Variants in PRKAB1 observed in about 807,000 individuals in gnomAD.
The protein encoded by PRKAB1 is protein kinase AMP-activated non-catalytic subunit beta 1, also known as 5'-AMP-activated protein kinase subunit beta-1.
A neutral mutation model predicts 32.0 loss-of-function variants in PRKAB1; 18 were observed. That is an observed-to-expected ratio of 0.56 (90% CI 0.39 to 0.83). The LOEUF is 0.83. Ranked by LOEUF, PRKAB1 falls within the 40% of genes least tolerant of loss-of-function variation. The pLI is 0.00. For synonymous variants in PRKAB1, 141 were observed against 141.4 expected (o/e 1.00, Z 0.02); for missense variants, 263 against 352.6 (o/e 0.75, Z 2.03).
At chr12:119,676,850 C>T (rs1955429889) in intron 5 of PRKAB1, among the ~76,000 whole-genome samples, 180 bp downstream of exon 5, 2 of 152,238 alleles carry the variant, frequency 1.3e-5, no homozygotes, top group Non-Finnish European at 2.9e-5. Context: ...CCAGTGTGGA[C>T]ACCGCTGCCT....
At chr12:119,678,204 T>A (rs1955440793) in intron 5 of PRKAB1, 1 of 152,256 alleles carries the variant, frequency 6.6e-6, no homozygotes, top group East Asian at 1.9e-4. Context: ...AAGGTAGCAC[T>A]AAGCTCTAAT....
intron 1 of PRKAB1, 108 bp from the exon 2 acceptor site, chr12:119,672,193 T>C: frequency 8.2e-7 from 1 of 1,214,644 alleles, no homozygotes; most frequent in Non-Finnish European, 1.1e-6. Context: ...TTTCCGATCC[T>C]AACCATGAAC....
At chr12:119,678,940 A>G (rs553941012) in intron 5 of PRKAB1, 3 of 152,342 alleles carry the variant, frequency 2.0e-5, no homozygotes, top group East Asian at 3.9e-4. Flanking sequence ...GCCATTTTCC[A>G]TAATGGTTGT....
Position 119,672,349 on chromosome 12 carries a change from A to G in PRKAB1, c.208A>G (p.Asn70Asp). 6.2e-7 allele frequency: 1 copy of G among 1,612,982 alleles called. No homozygotes were observed. The highest frequency in any genetic ancestry group is 8.5e-7 in the Non-Finnish European group (1 of 1,179,592). Residue 70 changes from asparagine (N) to aspartate (D), a missense_variant, in exon 2 of 7, where the codon AAT becomes GAT. Asn to Asp is a conservative substitution (Grantham distance 23). Coordinates refer to ENST00000229328, the MANE Select transcript of PRKAB1 (RefSeq NM_006253.5). ...GGCCTGGCAGCATGATCTGGAAGTG[A>G]ATGATAAAGCTCCCGCCCAGGCTCG... ...FLAWQHDLEV[N>D]DKAPAQARPT... is the part of the protein sequence containing the mutation.
rs1955410813 is a variant in PRKAB1 at position 119,674,799 on chromosome 12, C to T, written c.532+345C>T. On this transcript the variant is annotated intron_variant, in intron 4 of 6. Transcript: ENST00000229328. The surrounding 1 kb of genome is among the most constrained non-coding windows in gnomAD (Gnocchi z 4.3). ...CAGTGACAGCCCAGCACTGGGGAAG[C>T]CTGTGTCTCATCCCACTTGTGGTGC... is the stretch of plus-strand genomic sequence containing the variant. 6.6e-6 allele frequency among the ~76,000 whole-genome samples: 1 copy of T among 152,228 alleles called. No individual in the cohort carries two copies. The highest frequency in any genetic ancestry group is 6.5e-5 in the Admixed American group (1 of 15,290).
upstream of PRKAB1, chr12:119,668,065 G>A (rs1955351518): frequency 9.7e-6 from 7 of 723,038 alleles, no homozygotes; most frequent in South Asian, 1.5e-4. Context: ...GATTGCGAGA[G>A]CTCGGCAACC....
In PRKAB1 at chr12:119,672,406, A is replaced by G. The variant is rs557732890; in HGVS notation, c.265A>G (p.Lys89Glu). ...PTVFRWTGGG[K>E]EVYLSGSFNN... is the part of the protein sequence containing the mutation. The stretch of plus-strand genomic sequence containing the variant: ...GGTGTTTCGATGGACGGGGGGCGGA[A>G]AGGAAGTTTACTTATCTGGGTCCTT... Residue 89 changes from lysine (K) to glutamate (E), a missense_variant, in exon 2 of 7, where the codon AAG becomes GAG. Transcript: ENST00000229328. 8.1e-5 allele frequency: 131 copies of G among 1,610,242 alleles called. 1 individual carries two copies. The South Asian group carries it at 8.5e-4, about 10-fold the overall frequency.
intron 2 of PRKAB1, 43 bp downstream of exon 2, chr12:119,672,507 TTC>T: frequency 6.9e-7 from 1 of 1,445,310 alleles, no homozygotes; most frequent in Non-Finnish European, 9.2e-7. Flanking sequence ...TTAACATAAA[TTC>T]TCTTCTTTCT....
At chr12:119,673,885 T>C in intron 2 of PRKAB1, 79 bp from the exon 3 acceptor site, 1 of 1,187,458 alleles carries the variant, frequency 8.4e-7, no homozygotes, top group Non-Finnish European at 1.2e-6. Flanking sequence ...GGAAACGTTT[T>C]GTTCTGTAGC....
intron 5 of PRKAB1, chr12:119,678,344 C>T (rs1423964839): frequency 6.6e-6 from 1 of 152,192 alleles, no homozygotes; most frequent in African/African-American, 2.4e-5. Context: ...CAATTATTAC[C>T]CCCATTTTAG....
At position 119,674,501 on chromosome 12, in the gene PRKAB1, T is replaced by C. The variant is rs780572659; in HGVS notation, c.532+47T>C. 8 of 1,403,352 alleles carry C rather than the reference T, an allele frequency of 5.7e-6. No individual in the cohort carries two copies. Among genetic ancestry groups the C allele is most frequent in the Non-Finnish European group, 8.0e-6 (8 of 993,808 alleles). The allele number at this position is 1,403,352 out of a possible 1,614,324, so 86.9% of individuals were successfully genotyped here. A position where few individuals can be genotyped will look rare whatever the true frequency, so the allele number is the denominator to read the frequency against. ...ACCACATGCGTGCAGGTGGGGGCTG[T>C]ACAGTCTAGACATACTCTTGTTTCT... On this transcript the variant is annotated intron_variant, in intron 4 of 6. Transcript: ENST00000229328. This position sits in a 1 kb window ranked among gnomAD's most constrained non-coding sequence, Gnocchi z 4.3.
rs773037341 is a variant in PRKAB1 at position 119,679,994 on chromosome 12, C to G, written c.728C>G (p.Ser243Cys). ...HVMLNHLYAL[S>C]IKDGVMVLSA... is the part of the protein sequence containing the mutation. ...ATGCTGAACCACCTATACGCGCTGT[C>G]TATCAAGGTAATGACATGTCTGTCC... The change falls in exon 6 of 7, where the codon TCT becomes TGT. Residue 243 changes from serine (S) to cysteine (C), a missense_variant. Ser to Cys is a moderately radical substitution (Grantham distance 112). Transcript: ENST00000229328. The surrounding 1 kb of genome is among the most constrained non-coding windows in gnomAD (Gnocchi z 4.1). The G allele has an allele frequency of 6.2e-7, 1 of 1,612,972 alleles. No individual in the cohort carries two copies. Among genetic ancestry groups the G allele is most frequent in the Admixed American group, 1.7e-5 (1 of 60,030 alleles).
At chr12:119,677,366 G>C (rs1008227686) in intron 5 of PRKAB1, 1 of 152,306 alleles carries the variant, frequency 6.6e-6, no homozygotes, top group Non-Finnish European at 1.5e-5. Context: ...GTGCTGAGAC[G>C]AGGAATGCAC....
chr12:119,668,294 A>G lies in PRKAB1; in HGVS notation c.50A>G (p.His17Arg), dbSNP rs772385438. ...GCCGCGCTGGAGCGGCATGGTGGCC[A>G]TAAGACGCCCCGGAGGGACAGCTCG... is the stretch of plus-strand genomic sequence containing the variant. ...ERAALERHGG[H>R]KTPRRDSSGG... Residue 17 changes from histidine to arginine, a missense_variant, in exon 1 of 7, where the codon CAT becomes CGT. Coordinates refer to ENST00000229328, the MANE Select transcript of PRKAB1 (RefSeq NM_006253.5). The G allele has an allele frequency of 3.7e-6, 6 of 1,611,936 alleles. No homozygotes were observed. The Admixed American group carries it at 6.7e-5, about 18-fold the overall frequency.
intron 1 of PRKAB1, among the ~76,000 whole-genome samples, chr12:119,670,994 G>GA (rs1048212971): frequency 6.6e-6 from 1 of 152,144 alleles, no homozygotes; most frequent in African/African-American, 2.4e-5. Context: ...TTCTGACTGG[G>GA]AAAAAATCTA....
At chr12:119,675,875 G>A (rs960760409) in intron 4 of PRKAB1, among the ~76,000 whole-genome samples, 1 of 152,186 alleles carries the variant, frequency 6.6e-6, no homozygotes, top group African/African-American at 2.4e-5. Context: ...GGTACCTTCT[G>A]GCTGGCCAAA....
chr12:119,671,662 A>G (rs1242348302), intron 1 of PRKAB1: 2 of 227,906 alleles, frequency 8.8e-6, no homozygotes, highest in Non-Finnish European at 1.9e-5. Context: ...GGGGATTACA[A>G]TTCAAGGTGA....
chr12:119,679,546 A>C lies in PRKAB1; in HGVS notation c.667-387A>C. ...AGGTTCATTGAGTCTTACAGATACAAGTTTTGAATCCATTGCTCAGGAGCG... is the reference window on the plus strand; with the variant it reads ...AGGTTCATTGAGTCTTACAGATACACGTTTTGAATCCATTGCTCAGGAGCG... On this transcript the variant is annotated intron_variant, in intron 5 of 6. Coordinates refer to ENST00000229328, the MANE Select transcript of PRKAB1 (RefSeq NM_006253.5). This position sits in a 1 kb window ranked among gnomAD's most constrained non-coding sequence, Gnocchi z 4.1. 4.3e-6 allele frequency: 1 copy of C among 233,596 alleles called. No individual in the cohort carries two copies. The highest frequency in any genetic ancestry group is 8.6e-6 in the Non-Finnish European group (1 of 115,918). 14.5% of individuals were successfully genotyped at this position (233,596 alleles called of 1,614,324 possible). A position where few individuals can be genotyped will look rare whatever the true frequency, so the allele number is the denominator to read the frequency against.
rs768882714 is a variant in PRKAB1, at chr12:119,668,387, A to G, written c.143A>G (p.His48Arg). Residue 48 changes from histidine to arginine, a missense_variant, in exon 1 of 7, where the codon CAC becomes CGC. Physicochemically the swap from His to Arg is conservative, Grantham distance 29. Coordinates refer to ENST00000229328, the MANE Select transcript of PRKAB1 (RefSeq NM_006253.5). ...AGCCCCGAAGACGCCGACCTCTTCCACTCCGAGGAAATCAAGGTGCGAGCG... is the reference window on the plus strand; with the variant it reads ...AGCCCCGAAGACGCCGACCTCTTCCGCTCCGAGGAAATCAAGGTGCGAGCG... ...MDSPEDADLF[H>R]SEEIKAPEKE... The G allele has an allele frequency of 6.2e-7, 1 of 1,612,858 alleles. No individual in the cohort carries two copies. The highest frequency in any genetic ancestry group is 1.3e-5 in the African/African-American group (1 of 74,828).
Sources: allele counts gnomAD v4.1 joint callset (sites outside exome capture counted in the v4.1 genomes callset), GRCh38; gene constraint gnomAD v4.1.1; non-coding constraint Gnocchi (gnomAD v3.1); transcripts MANE v1.5; gene names NCBI Gene and HGNC (gene_info 2026-07-23, HGNC 2026-07-21).